Variants in BRD10 observed in about 807,000 individuals in gnomAD.
BRD10 encodes the protein bromodomain containing 10, also known as uncharacterized bromodomain-containing protein 10.
chr9:5,968,377 T>A, the BRD10 span: 3 of 1,611,250 alleles, frequency 1.9e-6, no homozygotes, highest in Non-Finnish European at 2.5e-6. Flanking sequence ...CTTCACCGTA[T>A]TTTTCCTGAT....
At chr9:5,897,752 T>C in the BRD10 span, 2 of 1,057,944 alleles carry the variant, frequency 1.9e-6, no homozygotes, top group Non-Finnish European at 2.9e-6. Context: ...TGCCTCATTA[T>C]AACCTTCAGC....
chr9:5,989,553 T>C, the BRD10 span, among the ~76,000 whole-genome samples: 1 of 150,794 alleles, frequency 6.6e-6, no homozygotes, highest in African/African-American at 2.4e-5. Flanking sequence ...TTTTTTTTTT[T>C]TTTTTGAGAC....
the BRD10 span, among the ~76,000 whole-genome samples, chr9:5,971,442 C>G: frequency 6.6e-6 from 1 of 152,066 alleles, no homozygotes; most frequent in South Asian, 2.1e-4. Flanking sequence ...GTATTATTTA[C>G]AAGAGCCAAA....
chr9:5,992,716 CTTT>C, the BRD10 span, among the ~76,000 whole-genome samples: 12,044 of 148,934 alleles, frequency 0.081, 554 homozygotes, highest in Non-Finnish European at 0.1. Context: ...CTTTCTCCCC[CTTT>C]TTTTTTTTTT....
At chr9:5,928,436 C>T in the BRD10 span, among the ~76,000 whole-genome samples, 18 of 152,184 alleles carry the variant, frequency 1.2e-4, no homozygotes, top group Admixed American at 2.6e-4. Flanking sequence ...TCTCACCTAA[C>T]TCAGTGTAAA....
chr9:5,920,967 G>T, the BRD10 span: 3 of 1,613,946 alleles, frequency 1.9e-6, no homozygotes, highest in Non-Finnish European at 2.5e-6. Context: ...ACAGGAGGTT[G>T]TGCCCCAGCT....
At chr9:5,911,465 T>C in the BRD10 span, among the ~76,000 whole-genome samples, 3 of 151,338 alleles carry the variant, frequency 2.0e-5, no homozygotes, top group East Asian at 3.9e-4. Flanking sequence ...GGCTTTGTAG[T>C]GTAATTTGAA....
chr9:5,971,726 A>G, the BRD10 span, among the ~76,000 whole-genome samples: 1 of 152,086 alleles, frequency 6.6e-6, no homozygotes, highest in Non-Finnish European at 1.5e-5. Context: ...AGTTTTATGG[A>G]GTTTTATTTT....
chr9:5,880,163 T>A, the BRD10 span, among the ~76,000 whole-genome samples: 1 of 151,314 alleles, frequency 6.6e-6, no homozygotes, highest in Admixed American at 6.6e-5. Flanking sequence ...AAGAGTTCTG[T>A]CCACCTCAGC....
the BRD10 span, among the ~76,000 whole-genome samples, chr9:5,954,451 CTTACCT>C: frequency 6.6e-6 from 1 of 152,160 alleles, no homozygotes; most frequent in Non-Finnish European, 1.5e-5. Context: ...GGAAAAAAAC[CTTACCT>C]TTAACATTGA....
chr9:5,998,240 G>C, the BRD10 span, among the ~76,000 whole-genome samples: 9 of 152,156 alleles, frequency 5.9e-5, no homozygotes, highest in East Asian at 1.7e-3. Context: ...ACTGGTGAAA[G>C]AGGGAGATTT....
chr9:5,915,089 C>A, the BRD10 span, among the ~76,000 whole-genome samples: 1 of 152,136 alleles, frequency 6.6e-6, no homozygotes, highest in Non-Finnish European at 1.5e-5. Flanking sequence ...ACACTTTGTT[C>A]ATGATATTAT....
the BRD10 span, chr9:5,920,703 A>T: frequency 6.2e-7 from 1 of 1,613,950 alleles, no homozygotes; most frequent in Admixed American, 1.7e-5. Flanking sequence ...ACTGCTGCCG[A>T]ATGTGGAACT....
chr9:5,945,369 A>G, the BRD10 span, among the ~76,000 whole-genome samples: 2 of 152,238 alleles, frequency 1.3e-5, no homozygotes, highest in Non-Finnish European at 1.5e-5. Flanking sequence ...ACTCTTGGAG[A>G]ACTGTTATAC....
chr9:5,891,816 T>C, the BRD10 span, among the ~76,000 whole-genome samples: 3 of 152,218 alleles, frequency 2.0e-5, no homozygotes, highest in African/African-American at 7.2e-5. Context: ...GGTCCTGGGC[T>C]TCCTCGGCTT....
the BRD10 span, among the ~76,000 whole-genome samples, chr9:5,925,755 A>T: frequency 6.6e-6 from 1 of 152,224 alleles, no homozygotes; most frequent in Non-Finnish European, 1.5e-5. Context: ...TTTTCATATA[A>T]AAACATAATA....
the BRD10 span, chr9:6,008,222 G>A: frequency 2.0e-6 from 2 of 978,640 alleles, no homozygotes; most frequent in South Asian, 4.7e-5. Context: ...CCCCGGAGGG[G>A]GCCGCAGCGG....
chr9:5,879,420 G>A, the BRD10 span, among the ~76,000 whole-genome samples: 1 of 152,068 alleles, frequency 6.6e-6, no homozygotes, highest in African/African-American at 2.4e-5. Context: ...ACACATCAAA[G>A]CCTGATGGGA....
the BRD10 span, chr9:5,921,435 T>C: frequency 6.2e-7 from 1 of 1,613,856 alleles, no homozygotes; most frequent in Non-Finnish European, 8.5e-7. Context: ...GCAACAAGAG[T>C]TGGGGTTGAT....
Sources: gnomAD v4.1 joint callset for allele counts (sites outside exome capture counted in the v4.1 genomes callset) on GRCh38, gnomAD v4.1.1 for gene constraint, MANE v1.5 for transcripts, NCBI Gene and HGNC (gene_info 2026-07-23, HGNC 2026-07-21) for gene names.